Variants in LRRC4C observed in about 807,000 individuals in gnomAD.
The protein encoded by LRRC4C is leucine-rich repeat-containing protein 4C.
In LRRC4C, 5 loss-of-function variants were observed where a neutral mutation model predicts 33.6. That is an observed-to-expected ratio of 0.15 (90% confidence interval 0.08 to 0.31). LRRC4C has a LOEUF of 0.31. Among genes scored for constraint, LRRC4C ranks in the 10% least tolerant of loss-of-function variants. The probability of loss-of-function intolerance (pLI) is 1.00; values close to 1 mark genes in which losing one functional copy is unlikely to be tolerated. For missense variants in LRRC4C, 560 were observed against 796.7 expected (o/e 0.70, Z 3.58); for synonymous variants, 329 against 302.0 (o/e 1.09, Z -0.93).
At chr11:40,182,813 T>C (rs1021759257) in intron 5 of LRRC4C, among the ~76,000 whole-genome samples, 20 of 152,336 alleles carry the variant, frequency 1.3e-4, no homozygotes, top group African/African-American at 4.1e-4. Flanking sequence ...TTTCCTCCAA[T>C]TGTATTTGTA....
chr11:41,358,718 A>G (rs1158998792), intron 1 of LRRC4C, among the ~76,000 whole-genome samples: 2 of 152,310 alleles, frequency 1.3e-5, no homozygotes, highest in South Asian at 4.1e-4. Context: ...CAAATCTGGA[A>G]CACTGACAAC....
At chr11:40,586,985 A>T (rs1435772068) in intron 3 of LRRC4C, among the ~76,000 whole-genome samples, 1 of 151,944 alleles carries the variant, frequency 6.6e-6, no homozygotes, top group Non-Finnish European at 1.5e-5. Flanking sequence ...TATGAACTTT[A>T]AAGTAGTTTT....
intron 2 of LRRC4C, among the ~76,000 whole-genome samples, chr11:40,843,939 G>A (rs137920866): frequency 3.1e-3 from 465 of 152,226 alleles, no homozygotes; most frequent in Non-Finnish European, 4.1e-3. Context: ...TAGTAGAAGT[G>A]AATAAACAGC....
chr11:41,289,035 G>A (rs917185171), intron 1 of LRRC4C, among the ~76,000 whole-genome samples: 2 of 151,720 alleles, frequency 1.3e-5, no homozygotes, highest in African/African-American at 2.4e-5. Flanking sequence ...AATTCCCTTC[G>A]CCTTTGCCTC....
At chr11:40,488,194 G>A (rs182913792) in intron 3 of LRRC4C, among the ~76,000 whole-genome samples, 7 of 152,206 alleles carry the variant, frequency 4.6e-5, no homozygotes, top group Non-Finnish European at 1.0e-4. Flanking sequence ...ATTTGCATGC[G>A]TGTAAGCTCT....
At chr11:40,338,560 C>A (rs1022642453) in intron 3 of LRRC4C, among the ~76,000 whole-genome samples, 4 of 152,144 alleles carry the variant, frequency 2.6e-5, no homozygotes, top group Non-Finnish European at 5.9e-5. Context: ...ATCTATATCA[C>A]CAAAATGGTA....
intron 2 of LRRC4C, among the ~76,000 whole-genome samples, chr11:40,813,203 T>C (rs1951566214): frequency 6.6e-6 from 1 of 152,294 alleles, no homozygotes; most frequent in Middle Eastern, 3.4e-3. Flanking sequence ...CATGCCTGTA[T>C]TAGTCTGTTC....
rs571467464 is a variant in LRRC4C at position 40,639,258 on chromosome 11, T to C, written c.-270+8884A>G. On this transcript the variant is annotated intron_variant, in intron 3 of 6. Coordinates refer to ENST00000528697, the MANE Select transcript of LRRC4C (RefSeq NM_001258419.2). ...TATAATTTTCTTTTGCCAAATCAAA[T>C]GAAGGCAAGTCAGACTTTTACCAGT... 4.6e-5 allele frequency among the ~76,000 whole-genome samples: 7 copies of C among 152,224 alleles called. No individual in the cohort carries two copies. In the South Asian group the frequency reaches 1.5e-3, roughly 32 times the overall value.
At chr11:41,085,812 G>A (rs1347949189) in intron 1 of LRRC4C, among the ~76,000 whole-genome samples, 2 of 150,622 alleles carry the variant, frequency 1.3e-5, no homozygotes, top group Non-Finnish European at 2.9e-5. Context: ...GAGCAGGCAA[G>A]TACTTAAGAT....
At chr11:40,425,752 CTAAA>C (rs1209594724) in intron 3 of LRRC4C, among the ~76,000 whole-genome samples, 1 of 152,158 alleles carries the variant, frequency 6.6e-6, no homozygotes, top group Admixed American at 6.5e-5. Context: ...ACTGGAACAA[CTAAA>C]TTATTGTCTA....
intron 1 of LRRC4C, among the ~76,000 whole-genome samples, chr11:41,203,859 G>C (rs1214763721): frequency 2.6e-5 from 4 of 152,176 alleles, no homozygotes; most frequent in Non-Finnish European, 4.4e-5. Flanking sequence ...CAAAATGTCT[G>C]CCCTTTAAGA....
intron 1 of LRRC4C, among the ~76,000 whole-genome samples, chr11:41,140,595 TCTA>T (rs1301201337): frequency 6.6e-6 from 1 of 152,324 alleles, no homozygotes; most frequent in East Asian, 1.9e-4. Flanking sequence ...CGTTCTCTGA[TCTA>T]CTGTGCAATC....
chr11:41,353,572 T>G (rs1588038), intron 1 of LRRC4C, among the ~76,000 whole-genome samples: 1 of 151,814 alleles, frequency 6.6e-6, no homozygotes, highest in Non-Finnish European at 1.5e-5. Context: ...AGAATTAAAA[T>G]GAAAACTTGA....
intron 2 of LRRC4C, among the ~76,000 whole-genome samples, chr11:40,821,253 CA>C (rs1951915180): frequency 6.6e-6 from 1 of 151,570 alleles, no homozygotes. Context: ...ACAACTCTAC[CA>C]AAATTCCCAT....
chr11:40,234,349 A>G (rs897370391), intron 5 of LRRC4C, among the ~76,000 whole-genome samples: 2 of 152,206 alleles, frequency 1.3e-5, no homozygotes. Context: ...TTAAGTTCCC[A>G]AAGTCAAGTA....
intron 3 of LRRC4C, among the ~76,000 whole-genome samples, chr11:40,403,691 T>A (rs890610759): frequency 6.6e-6 from 1 of 152,158 alleles, no homozygotes; most frequent in African/African-American, 2.4e-5. Flanking sequence ...TCTGACAGTC[T>A]GAGCTTCAAA....
intron 2 of LRRC4C, among the ~76,000 whole-genome samples, chr11:40,805,460 C>CT (rs985685318): frequency 1.3e-5 from 2 of 152,022 alleles, no homozygotes; most frequent in African/African-American, 4.8e-5. Flanking sequence ...AGTCACTTTT[C>CT]TTTTTTTTGT....
At chr11:40,263,745 A>C (rs193129132) in intron 4 of LRRC4C, among the ~76,000 whole-genome samples, 1 of 152,332 alleles carries the variant, frequency 6.6e-6, no homozygotes, top group Admixed American at 6.5e-5. Flanking sequence ...CATGCGGCTA[A>C]ATTCTGGATG....
intron 1 of LRRC4C, among the ~76,000 whole-genome samples, chr11:41,450,446 G>A (rs751324661): frequency 2.0e-5 from 3 of 152,156 alleles, no homozygotes; most frequent in Non-Finnish European, 2.9e-5. Context: ...AACTGTTTCT[G>A]GCTTTAAGTG....
Sources: gnomAD v4.1 joint callset for allele counts (sites outside exome capture counted in the v4.1 genomes callset) on GRCh38, gnomAD v4.1.1 for gene constraint, MANE v1.5 for transcripts, NCBI Gene and HGNC (gene_info 2026-07-23, HGNC 2026-07-21) for gene names.